The following ZBTB20 variants were observed in gnomAD, a reference collection of about 807,000 sequenced individuals.
The protein encoded by ZBTB20 is zinc finger and BTB domain containing 20.
Under a neutral mutation model 56.9 loss-of-function variants are expected in ZBTB20, and 9 were observed. That is an observed-to-expected ratio of 0.16 (90% CI 0.10 to 0.28). ZBTB20 has a LOEUF of 0.28. Among genes scored for constraint, ZBTB20 ranks in the 10% least tolerant of loss-of-function variants. The probability of loss-of-function intolerance (pLI) is 1.00; values close to 1 mark genes in which losing one functional copy is unlikely to be tolerated. For synonymous variants in ZBTB20, 417 were observed against 420.7 expected, an observed-to-expected ratio of 0.99 and a Z score of 0.11; for missense variants, 655 against 1,003.0, an observed-to-expected ratio of 0.65 and a Z score of 4.69.
rs1007323379 is a variant in ZBTB20 at position 114,317,917 on chromosome 3, A to T, written c.*21088T>A. 6.6e-6 allele frequency: 1 copy of T among 152,180 alleles called. No homozygotes were observed. The allele number at this position is 152,180 out of a possible 1,614,324, so 9.4% of individuals were successfully genotyped here. A position where few individuals can be genotyped will look rare whatever the true frequency, so the allele number is the denominator to read the frequency against. ...AGTTTTTAGACAGAAGAAAGGAAAA[A>T]GGAAGAAATAGAGGCCTCTCTTCAG... On this transcript the variant is annotated 3_prime_UTR_variant, in exon 12 of 12. Coordinates refer to ENST00000675478, the MANE Select transcript of ZBTB20 (RefSeq NM_001348800.3).
chr3:115,060,900 A>G (rs747813059), intron 2 of ZBTB20, among the ~76,000 whole-genome samples: 1 of 152,142 alleles, frequency 6.6e-6, no homozygotes, highest in Non-Finnish European at 1.5e-5. Context: ...AATCTATTCA[A>G]TATTTCAGAA....
chr3:114,987,154 C>CA (rs2078581538), intron 2 of ZBTB20, among the ~76,000 whole-genome samples: 1 of 152,036 alleles, frequency 6.6e-6, no homozygotes, highest in Non-Finnish European at 1.5e-5. Context: ...TTTTAGATAA[C>CA]ATGATAAAGT....
chr3:114,765,528 A>G (rs1297786400), intron 5 of ZBTB20, among the ~76,000 whole-genome samples: 2 of 152,144 alleles, frequency 1.3e-5, no homozygotes, highest in Admixed American at 6.5e-5. Context: ...CAACCCTCAT[A>G]AGGAACCATC....
At chr3:114,866,179 G>A (rs2075755394) in intron 4 of ZBTB20, among the ~76,000 whole-genome samples, 1 of 152,126 alleles carries the variant, frequency 6.6e-6, no homozygotes, top group Admixed American at 6.6e-5. Flanking sequence ...ACTAAGCTAT[G>A]TTCCAGTTAT....
intron 7 of ZBTB20, among the ~76,000 whole-genome samples, chr3:114,401,083 GAC>G (rs201829025): frequency 1.5e-3 from 198 of 132,924 alleles, no homozygotes; most frequent in East Asian, 2.9e-3. Context: ...CTACCTCCCA[GAC>G]ACACACACAC....
chr3:114,853,452 A>T (rs964756593), intron 4 of ZBTB20, among the ~76,000 whole-genome samples: 1 of 152,254 alleles, frequency 6.6e-6, no homozygotes, highest in Non-Finnish European at 1.5e-5. Context: ...GCACAGCAAC[A>T]TATGCGACAG....
intron 2 of ZBTB20, among the ~76,000 whole-genome samples, chr3:115,033,148 A>G (rs1242941701): frequency 6.6e-6 from 1 of 151,314 alleles, no homozygotes; most frequent in Non-Finnish European, 1.5e-5. Context: ...GAGAAGACTC[A>G]AATTACAAAA....
intron 7 of ZBTB20, among the ~76,000 whole-genome samples, chr3:114,492,065 C>T (rs556262799): frequency 2.6e-4 from 39 of 152,284 alleles, no homozygotes; most frequent in Admixed American, 1.3e-4. Flanking sequence ...ATTTTCCTGC[C>T]ACCTTCTTGG....
chr3:114,598,841 A>G (rs1474842424), intron 6 of ZBTB20, among the ~76,000 whole-genome samples: 1 of 152,122 alleles, frequency 6.6e-6, no homozygotes, highest in African/African-American at 2.4e-5. Context: ...AAGTATATCA[A>G]CAAACAGCCT....
intron 2 of ZBTB20, among the ~76,000 whole-genome samples, chr3:115,022,935 A>C (rs754429704): frequency 2.6e-5 from 4 of 150,990 alleles, no homozygotes; most frequent in Non-Finnish European, 5.9e-5. Flanking sequence ...TTGAGCACCT[A>C]TATTATGCAA....
chr3:114,360,875 A>C (rs1228908728), intron 10 of ZBTB20, among the ~76,000 whole-genome samples: 2 of 152,192 alleles, frequency 1.3e-5, no homozygotes, highest in Admixed American at 1.3e-4. Context: ...TCATTAAAAA[A>C]AAGAATAGGA....
intron 10 of ZBTB20, among the ~76,000 whole-genome samples, chr3:114,378,024 A>T (rs957135520): frequency 2.6e-5 from 4 of 152,200 alleles, no homozygotes; most frequent in Admixed American, 6.5e-5. Context: ...TTAGTTCTAA[A>T]TAGGAACTGA....
intron 1 of ZBTB20, among the ~76,000 whole-genome samples, chr3:115,118,781 C>T (rs139548874): frequency 2.3e-5 from 3 of 128,224 alleles, no homozygotes; most frequent in South Asian, 5.2e-4. Flanking sequence ...AGTGCAGTGG[C>T]GCGATCTCCA....
chr3:114,865,721 C>T (rs760641869), intron 4 of ZBTB20, among the ~76,000 whole-genome samples: 12 of 151,998 alleles, frequency 7.9e-5, no homozygotes, highest in Non-Finnish European at 1.0e-4. Flanking sequence ...TCTTACTTAC[C>T]CATATCAATA....
intron 3 of ZBTB20, among the ~76,000 whole-genome samples, chr3:114,906,974 A>T (rs1291836449): frequency 6.6e-6 from 1 of 151,872 alleles, no homozygotes; most frequent in Non-Finnish European, 1.5e-5. Context: ...ATATAAATAA[A>T]ATAATTGCTA....
In ZBTB20 at chr3:114,351,854, G is replaced by T. The variant is rs1295355836; in HGVS notation, c.224C>A (p.Thr75Asn). The change falls in exon 11 of 12, where the codon ACC becomes AAC. Residue 75 changes from threonine (T) to asparagine (N), a missense_variant. Around this residue, in one of 10 missense-constraint regions of ZBTB20, gnomAD observed 57 missense variants for 99.1 expected, o/e 0.58. Transcript: ENST00000675478. ...AAGGTTGATGCTGTGAATGCGCTCG[G>T]TCATCCCCTTGCAACTGATGTCACC... ...SDCDISCKGMTERIHSINLHN... is the reference protein window; with the variant it reads ...SDCDISCKGMNERIHSINLHN... 1 of 1,597,500 alleles carries T rather than the reference G, an allele frequency of 6.3e-7. No homozygotes were observed.
At chr3:114,370,124 C>T (rs892289835) in intron 10 of ZBTB20, among the ~76,000 whole-genome samples, 1 of 152,142 alleles carries the variant, frequency 6.6e-6, no homozygotes, top group African/African-American at 2.4e-5. Context: ...ATTCCAATTG[C>T]CCTGTGAAAT....
chr3:115,067,291 A>G (rs1382868189), intron 2 of ZBTB20, among the ~76,000 whole-genome samples: 1 of 151,994 alleles, frequency 6.6e-6, no homozygotes, highest in Non-Finnish European at 1.5e-5. Flanking sequence ...TCACACCCAC[A>G]AACCCGGGAA....
rs1342753027 is a variant in ZBTB20, at chr3:114,816,862, C to G, written c.-416-15688G>C. 2.0e-5 allele frequency among the ~76,000 whole-genome samples: 3 copies of G among 152,254 alleles called. No individual in the cohort carries two copies. The East Asian group carries it at 5.8e-4, about 29-fold the overall frequency. On this transcript the variant is annotated intron_variant, in intron 4 of 11. Transcript: ENST00000675478. ...AGCCTGCACTATTCCTATTTCCAAACTCTGAGCAGGTTCACCTTTGTTTGA... is the reference window on the plus strand; with the variant it reads ...AGCCTGCACTATTCCTATTTCCAAAGTCTGAGCAGGTTCACCTTTGTTTGA...
Sources: gnomAD v4.1 joint callset for allele counts (sites outside exome capture counted in the v4.1 genomes callset) on GRCh38, gnomAD v4.1.1 for gene constraint, gnomAD v4.1.1 regional missense constraint, MANE v1.5 for transcripts, NCBI Gene and HGNC (gene_info 2026-07-23, HGNC 2026-07-21) for gene names.